MCC: variants seen among roughly 807,000 people sequenced by gnomAD.
MCC encodes the protein colorectal mutant cancer protein.
MCC carries 90 observed loss-of-function variants against 116.2 expected under a neutral mutation model. The observed-to-expected ratio is 0.77, with a 90% CI of 0.65 to 0.92. The LOEUF is 0.92. Ranked by LOEUF, MCC falls within the 40% of genes least tolerant of loss-of-function variation. MCC has a pLI of 0.00. For synonymous variants in MCC, 578 were observed against 510.5 expected (o/e 1.13, Z -1.78); for missense variants, 1,516 against 1,312.2 (o/e 1.16, Z -2.40).
At chr5:113,364,132 G>A (rs979106684) in intron 2 of MCC, among the ~76,000 whole-genome samples, 4 of 150,438 alleles carry the variant, frequency 2.7e-5, no homozygotes, top group African/African-American at 4.9e-5. Flanking sequence ...TCAGGAGGCT[G>A]AAGCAGGAGA....
At chr5:113,154,019 C>T (rs1760033707) in intron 3 of MCC, among the ~76,000 whole-genome samples, 1 of 152,200 alleles carries the variant, frequency 6.6e-6, no homozygotes, top group Non-Finnish European at 1.5e-5. Flanking sequence ...AACATATCTT[C>T]TCTGATTATA....
intron 8 of MCC, among the ~76,000 whole-genome samples, chr5:113,092,162 T>C (rs929929361): frequency 6.6e-6 from 1 of 151,522 alleles, no homozygotes; most frequent in African/African-American, 2.4e-5. Context: ...GAAATGTAAA[T>C]GTAGCCTTGT....
chr5:113,206,073 G>T (rs148303259), intron 3 of MCC, among the ~76,000 whole-genome samples: 238 of 152,350 alleles, frequency 1.6e-3, no homozygotes, highest in African/African-American at 5.5e-3. Flanking sequence ...AATCCTGCAG[G>T]ACTGCTCCAA....
rs537489139 is a variant in MCC at position 113,405,614 on chromosome 5, C to A, written c.171-20402G>T. On this transcript the variant is annotated intron_variant, in intron 1 of 18. Coordinates refer to ENST00000408903, the MANE Select transcript of MCC (RefSeq NM_001085377.2). ...GACTAGCCTGGGCAACATAGGGAGACATCCGCCCCCCAACCCCGATCTCTA... is the reference window on the plus strand; with the variant it reads ...GACTAGCCTGGGCAACATAGGGAGAAATCCGCCCCCCAACCCCGATCTCTA... Among the ~76,000 whole-genome samples the A allele has an allele frequency of 1.8e-4, 27 of 151,936 alleles. 1 individual carries two copies. Among genetic ancestry groups the A allele is most frequent in the Admixed American group, 1.8e-3 (27 of 15,258 alleles).
chr5:113,060,093 C>A (rs1753112722), intron 14 of MCC, among the ~76,000 whole-genome samples: 1 of 152,176 alleles, frequency 6.6e-6, no homozygotes, highest in African/African-American at 2.4e-5. Flanking sequence ...AAGTTTTCAT[C>A]AACATCTTAC....
intron 6 of MCC, among the ~76,000 whole-genome samples, chr5:113,107,807 C>G (rs909594781): frequency 1.3e-5 from 2 of 152,190 alleles, no homozygotes; most frequent in East Asian, 3.9e-4. Flanking sequence ...GGGGCTCTCA[C>G]AGCAGAGCCG....
At chr5:113,075,924 G>C (rs1259705021) in intron 11 of MCC, among the ~76,000 whole-genome samples, 3 of 152,124 alleles carry the variant, frequency 2.0e-5, no homozygotes, top group African/African-American at 7.2e-5. Context: ...AACAACTCCA[G>C]ATGCGCCCCC....
At chr5:113,356,449 T>G (rs1254444546) in intron 2 of MCC, among the ~76,000 whole-genome samples, 4 of 150,692 alleles carry the variant, frequency 2.7e-5, no homozygotes, top group Non-Finnish European at 1.5e-5. Context: ...ACTGGAATAT[T>G]TAGTGTTTGA....
Position 113,027,436 on chromosome 5 carries a change from T to C in MCC, c.2926A>G (p.Lys976Glu). The C allele has an allele frequency of 6.2e-7, 1 of 1,614,210 alleles. No individual in the cohort carries two copies. Among genetic ancestry groups the C allele is most frequent in the Non-Finnish European group, 8.5e-7 (1 of 1,180,040 alleles). ...YEKAKKKHQN[K>E]LKKLESQMMA... is the part of the protein sequence containing the mutation. ...ATCTGCGACTCTAACTTCTTCAGTT[T>C]GTTTTGATGCTTTTTCTTTGCTTTC... is the stretch of plus-strand genomic sequence containing the variant. The change falls in exon 19 of 19, where the codon AAA (lysine) becomes GAA (glutamate). Residue 976 changes from lysine (K) to glutamate (E), a missense_variant. Lys to Glu is a moderately conservative substitution (Grantham distance 56). Transcript: ENST00000408903.
Position 113,024,426 on chromosome 5 carries a change from T to C in MCC, c.*2876A>G, listed in dbSNP as rs981954433. 1.3e-5 allele frequency: 2 copies of C among 152,190 alleles called. No individual in the cohort carries two copies. The highest frequency in any genetic ancestry group is 3.9e-4 in the East Asian group (2 of 5,192). 9.4% of individuals were successfully genotyped at this position (152,190 alleles called of 1,614,324 possible). A position where few individuals can be genotyped will look rare whatever the true frequency, so the allele number is the denominator to read the frequency against. On this transcript the variant is annotated 3_prime_UTR_variant, in exon 19 of 19. Transcript: ENST00000408903. ...CTCTTTTGCTTGTGATTTGCACAGT[T>C]GGTTTTGTTTGCCTCAGTCCAACAA...
chr5:113,029,298 AAAC>A (rs1397038942), intron 17 of MCC, among the ~76,000 whole-genome samples: 5 of 151,658 alleles, frequency 3.3e-5, no homozygotes. Flanking sequence ...GTGTCAAAGA[AAAC>A]AAGACAGGAA....
chr5:113,075,250 A>G (rs7729027), intron 11 of MCC, among the ~76,000 whole-genome samples: 151,338 of 152,344 alleles, frequency 0.99, 75,181 homozygotes, highest in Middle Eastern at 1. Context: ...TCGAATTCTC[A>G]CTGGGCCTCA....
intron 4 of MCC, among the ~76,000 whole-genome samples, chr5:113,145,780 AC>A (rs1759474704): frequency 7.3e-5 from 1 of 13,718 alleles, no homozygotes; most frequent in Non-Finnish European, 1.9e-4. Flanking sequence ...ACACACACAC[AC>A]ACAAACACAC....
At chr5:113,179,687 T>G (rs926076248) in intron 3 of MCC, among the ~76,000 whole-genome samples, 1 of 152,190 alleles carries the variant, frequency 6.6e-6, no homozygotes, top group African/African-American at 2.4e-5. Flanking sequence ...TGCAGTTGAA[T>G]TTTTCAAAAG....
At chr5:113,108,451 G>C (rs1041994566) in intron 6 of MCC, among the ~76,000 whole-genome samples, 18 of 150,108 alleles carry the variant, frequency 1.2e-4, no homozygotes, top group Admixed American at 1.2e-3. Flanking sequence ...TCAGGAGTTT[G>C]AGACCAGCCT....
chr5:113,143,186 G>A lies in MCC; in HGVS notation c.884+32C>T, dbSNP rs774129173. On this transcript the variant is annotated intron_variant, in intron 5 of 18. Transcript: ENST00000408903. ...TCCAAGATGGAGGGTTTAGCAGAAG[G>A]GGCAGAGTAAAAGCCGAATGGAGCC... The A allele has an allele frequency of 6.4e-6, 10 of 1,566,282 alleles. No homozygotes were observed. In the South Asian group the frequency reaches 1.2e-4, roughly 18 times the overall value.
intron 8 of MCC, 46 bp from the exon 9 acceptor site, chr5:113,085,356 A>G (rs754807728): frequency 6.4e-7 from 1 of 1,559,030 alleles, no homozygotes; most frequent in Admixed American, 1.8e-5. Context: ...TTCCCTGGCT[A>G]AAGAGCAAAA....
intron 1 of MCC, among the ~76,000 whole-genome samples, chr5:113,449,588 G>A (rs1172803059): frequency 6.6e-6 from 1 of 152,216 alleles, no homozygotes; most frequent in African/African-American, 2.4e-5. Flanking sequence ...AAGGGATTGA[G>A]AGTCAGCTTA....
rs187757394 is a variant in MCC at position 113,190,979 on chromosome 5, G to A, written c.628-39557C>T. ...GAGGGCAGAGCATGGTGCCTGGCACGAAGCAGGCATGACCCTGATAGCTGG... is the reference window on the plus strand; with the variant it reads ...GAGGGCAGAGCATGGTGCCTGGCACAAAGCAGGCATGACCCTGATAGCTGG... On this transcript the variant is annotated intron_variant, in intron 3 of 18. Coordinates refer to ENST00000408903, the MANE Select transcript of MCC (RefSeq NM_001085377.2). Among the ~76,000 whole-genome samples, 175 of 152,334 alleles carry A rather than the reference G, an allele frequency of 1.1e-3. 1 individual carries two copies. The highest frequency in any genetic ancestry group is 3.8e-3 in the African/African-American group (158 of 41,572).
Sources: gnomAD v4.1 joint callset for allele counts (sites outside exome capture counted in the v4.1 genomes callset) on GRCh38, gnomAD v4.1.1 for gene constraint, MANE v1.5 for transcripts, NCBI Gene and HGNC (gene_info 2026-07-23, HGNC 2026-07-21) for gene names.